FSIP2: variants seen among roughly 807,000 people sequenced by gnomAD.
The protein encoded by FSIP2 is fibrous sheath-interacting protein 2.
In FSIP2, 367 loss-of-function variants were observed where a neutral mutation model predicts 510.5. That is an observed-to-expected ratio of 0.72 (90% CI 0.66 to 0.78). FSIP2 has a LOEUF of 0.78. Among genes scored for constraint, FSIP2 ranks in the 30% least tolerant of loss-of-function variants. The pLI, the probability that FSIP2 is intolerant of heterozygous loss-of-function variation, is 0.00. For synonymous variants in FSIP2, 2,601 were observed against 2,732.2 expected (o/e 0.95, Z 1.50); for missense variants, 7,594 against 7,901.7 (o/e 0.96, Z 1.48).
chr2:185,807,214 G>T lies in FSIP2; in HGVS notation c.17908G>T (p.Val5970Phe), dbSNP rs377741484. The T allele has an allele frequency of 1.2e-6, 2 of 1,605,892 alleles. No individual in the cohort carries two copies. Among genetic ancestry groups the T allele is most frequent in the Non-Finnish European group, 1.7e-6 (2 of 1,177,422 alleles). Residue 5970 changes from valine (V) to phenylalanine (F), a missense_variant, in exon 17 of 23, where the codon GTT (valine) becomes TTT (phenylalanine). Physicochemically the swap from Val to Phe is conservative, Grantham distance 50. Coordinates refer to ENST00000424728, the MANE Select transcript of FSIP2 (RefSeq NM_173651.4). ...GGTTAACTTGATATTTTGTGATGAG[G>T]TTTCAGTTTCAGCATGTTTGCCTCT... ...RQVNLIFCDEVSVSACLPLES... is the reference protein window; with the variant it reads ...RQVNLIFCDEFSVSACLPLES...
At chr2:185,761,889 T>C (rs1019424543) in intron 10 of FSIP2, 83 bp from the exon 11 acceptor site, 63 of 698,892 alleles carry the variant, frequency 9.0e-5, no homozygotes, top group Non-Finnish European at 1.3e-4. Context: ...TCTGTATTCA[T>C]TGGTTAATTG....
Position 185,813,529 on chromosome 2 carries a change from A to G in FSIP2, c.19828-16A>G. On this transcript the variant is annotated splice_polypyrimidine_tract_variant and intron_variant, in intron 17 of 22. Transcript: ENST00000424728. ...TAGGCATTTGATTTTAATATTTGCT[A>G]TACCTTTAATTTCAGGCCGTTGCTA... The G allele has an allele frequency of 6.8e-7, 1 of 1,476,528 alleles. No homozygotes were observed. Among genetic ancestry groups the G allele is most frequent in the Non-Finnish European group, 9.1e-7 (1 of 1,103,528 alleles). The allele number at this position is 1,476,528 out of a possible 1,614,324, so 91.5% of individuals were successfully genotyped here.
rs1199249819 is a variant in FSIP2 at position 185,801,766 on chromosome 2, C to G, written c.12460C>G (p.Leu4154Val). The G allele has an allele frequency of 3.9e-6, 6 of 1,522,564 alleles. No homozygotes were observed. The highest frequency in any genetic ancestry group is 5.3e-6 in the Non-Finnish European group (6 of 1,137,926). The allele number at this position is 1,522,564 out of a possible 1,614,324, so 94.3% of individuals were successfully genotyped here. A position where few individuals can be genotyped will look rare whatever the true frequency, so the allele number is the denominator to read the frequency against. ...TGTCATAAGAAGGCTTTTATCTCAG[C>G]TAATTCCTCCACCCATTACATGTTC... ...EDVIRRLLSQ[L>V]IPPPITCSSL... is the part of the protein sequence containing the mutation. The change falls in exon 17 of 23, where the codon CTA becomes GTA. Residue 4154 changes from leucine to valine, a missense_variant. Coordinates refer to ENST00000424728, the MANE Select transcript of FSIP2 (RefSeq NM_173651.4).
At chr2:185,766,271 T>G (rs1359403257) in intron 13 of FSIP2, 2 of 151,430 alleles carry the variant, frequency 1.3e-5, no homozygotes, top group African/African-American at 2.4e-5. Context: ...GGACTTCATG[T>G]CTAAAACACC....
intron 3 of FSIP2, 59 bp from the exon 4 acceptor site, chr2:185,744,263 A>T (rs1691981801): frequency 3.3e-6 from 1 of 306,702 alleles, no homozygotes; most frequent in African/African-American, 2.2e-5. Flanking sequence ...AAATATTTAT[A>T]TAATATTAAC....
chr2:185,760,823 T>G (rs1052147452), intron 9 of FSIP2, among the ~76,000 whole-genome samples, 165 bp from the exon 10 acceptor site: 3 of 150,570 alleles, frequency 2.0e-5, no homozygotes, highest in Non-Finnish European at 4.5e-5. Context: ...CTTCTAGGGA[T>G]AATAGACATG....
intron 11 of FSIP2, 144 bp from the exon 12 acceptor site, chr2:185,763,039 C>A: frequency 1.8e-6 from 1 of 569,114 alleles, no homozygotes; most frequent in Non-Finnish European, 3.1e-6. Flanking sequence ...ATTTCCTTGA[C>A]TCAAATAAAT....
chr2:185,750,959 C>T (rs529112986), intron 7 of FSIP2, among the ~76,000 whole-genome samples: 48 of 151,438 alleles, frequency 3.2e-4, no homozygotes, highest in South Asian at 1.0e-3. Flanking sequence ...ACTTTTATTT[C>T]CCAAATCTTT....
Position 185,792,243 on chromosome 2 carries a change from G to A in FSIP2, c.5107G>A (p.Gly1703Arg). The A allele has an allele frequency of 6.5e-7, 1 of 1,533,168 alleles. No individual in the cohort carries two copies. Among genetic ancestry groups the A allele is most frequent in the Non-Finnish European group, 8.7e-7 (1 of 1,145,076 alleles). 95.0% of individuals were successfully genotyped at this position (1,533,168 alleles called of 1,614,324 possible). A position where few individuals can be genotyped will look rare whatever the true frequency, so the allele number is the denominator to read the frequency against. Residue 1703 changes from glycine to arginine, a missense_variant, in exon 16 of 23, where the codon GGA becomes AGA. Physicochemically the swap from Gly to Arg is moderately radical, Grantham distance 125. Transcript: ENST00000424728. The stretch of plus-strand genomic sequence containing the variant: ...GTTTAATGAAATGGAATCTGAAGGG[G>A]GAGGCATTGAAACTTATCGATACAG... ...DMFNEMESEG[G>R]GIETYRYRPT... is the part of the protein sequence containing the mutation.
In FSIP2 at chr2:185,790,954, C is replaced by A; in HGVS notation, c.3818C>A (p.Ser1273Ter). 2 of 1,526,084 alleles carry A rather than the reference C, an allele frequency of 1.3e-6. No individual in the cohort carries two copies. The highest frequency in any genetic ancestry group is 2.4e-5 in the South Asian group (2 of 81,826). 94.5% of individuals were successfully genotyped at this position (1,526,084 alleles called of 1,614,324 possible). ...CGTACAATTTTTAAAAGACTGAAGT[C>A]ATTTATTTGTCCAAAATTGCATATG... ...IIRTIFKRLK[S>*]FICPKLHMGF... The change falls in exon 16 of 23, where the codon TCA (serine) becomes TAA (stop). Residue 1273 changes from serine to a stop codon, truncating the protein, a stop_gained. Coordinates refer to ENST00000424728, the MANE Select transcript of FSIP2 (RefSeq NM_173651.4). LOFTEE classifies it high-confidence loss of function.
Position 185,793,924 on chromosome 2 carries a change from CT to C in FSIP2, c.6792del (p.Phe2264LeufsTer6). ...AAAACTATTTTTAAACGTTTGGAAT[CT>C]TTTGCCACAGAAAGAATAGATTCAT... Reference protein sequence around the residue: ...ITKTIFKRLESFATERIDSLI... With the variant: ...ITKTIFKRLEXFATERIDSLI... On this transcript the variant is annotated frameshift_variant, in exon 16 of 23. Transcript: ENST00000424728. LOFTEE classifies it high-confidence loss of function. 3 of 1,525,452 alleles carry C rather than the reference CT, an allele frequency of 2.0e-6. No homozygotes were observed. The highest frequency in any genetic ancestry group is 2.6e-6 in the Non-Finnish European group (3 of 1,142,776). The allele number at this position is 1,525,452 out of a possible 1,614,324, so 94.5% of individuals were successfully genotyped here.
At position 185,802,421 on chromosome 2, in the gene FSIP2, A is replaced by G. The variant is rs1693462065; in HGVS notation, c.13115A>G (p.Glu4372Gly). Residue 4372 changes from glutamate (E) to glycine (G), a missense_variant, in exon 17 of 23, where the codon GAA becomes GGA. Physicochemically the swap from Glu to Gly is moderately conservative, Grantham distance 98. Coordinates refer to ENST00000424728, the MANE Select transcript of FSIP2 (RefSeq NM_173651.4). ...FFSFNTDIVD[E>G]LATSVYRNAL... ...TCTTTCAATACAGATATTGTGGATG[A>G]ACTTGCCACCTCAGTTTATAGAAAT... 1 of 1,533,810 alleles carries G rather than the reference A, an allele frequency of 6.5e-7. No homozygotes were observed. The highest frequency in any genetic ancestry group is 1.4e-5 in the African/African-American group (1 of 72,880).
chr2:185,760,894 T>G (rs562305944), intron 9 of FSIP2, 94 bp from the exon 10 acceptor site: 1 of 510,362 alleles, frequency 2.0e-6, no homozygotes, highest in Non-Finnish European at 3.4e-6. Context: ...AATTAAATAA[T>G]TAAATAGATA....
chr2:185,787,826 T>G (rs961581345), intron 15 of FSIP2, among the ~76,000 whole-genome samples: 12 of 151,684 alleles, frequency 7.9e-5, no homozygotes, highest in South Asian at 2.1e-4. Context: ...CTCCCTACTC[T>G]TTGATTCCCA....
upstream of FSIP2, among the ~76,000 whole-genome samples, chr2:185,737,472 A>G (rs185274316): frequency 1.3e-5 from 2 of 152,330 alleles, no homozygotes; most frequent in Admixed American, 6.5e-5. Flanking sequence ...ACAAACAAAC[A>G]AAAAATGATT....
At chr2:185,767,033 T>G (rs537495780) in intron 13 of FSIP2, among the ~76,000 whole-genome samples, 161 of 118,374 alleles carry the variant, frequency 1.4e-3, no homozygotes, top group African/African-American at 4.9e-3. Flanking sequence ...ATGGATGAAA[T>G]TGGAAATCAT....
In FSIP2 at chr2:185,793,276, A is replaced by T. The variant is rs1281879829; in HGVS notation, c.6140A>T (p.Asp2047Val). The T allele has an allele frequency of 6.5e-7, 1 of 1,534,120 alleles. No individual in the cohort carries two copies. Among genetic ancestry groups the T allele is most frequent in the Admixed American group, 2.0e-5 (1 of 50,852 alleles). Residue 2047 changes from aspartate (D) to valine (V), a missense_variant, in exon 16 of 23, where the codon GAC becomes GTC. Coordinates refer to ENST00000424728, the MANE Select transcript of FSIP2 (RefSeq NM_173651.4). ...IASQIVNALL[D>V]IISRKGKCDK... The stretch of plus-strand genomic sequence containing the variant: ...AGTCAAATTGTTAACGCATTGTTAG[A>T]CATTATATCACGTAAAGGCAAATGT...
chr2:185,760,890 ATAAT>A, intron 9 of FSIP2, 94 bp from the exon 10 acceptor site: 1 of 508,124 alleles, frequency 2.0e-6, no homozygotes, highest in Middle Eastern at 5.2e-4. Context: ...AGTCAATTAA[ATAAT>A]TAAATAGATA....
chr2:185,745,770 C>T (rs1206412919), intron 5 of FSIP2, among the ~76,000 whole-genome samples: 3 of 151,948 alleles, frequency 2.0e-5, no homozygotes, highest in Non-Finnish European at 4.4e-5. Context: ...AAGGGATAAG[C>T]CAAACTGGTT....
Sources: gnomAD v4.1 joint callset for allele counts (sites outside exome capture counted in the v4.1 genomes callset) on GRCh38, gnomAD v4.1.1 for gene constraint, MANE v1.5 for transcripts, NCBI Gene and HGNC (gene_info 2026-07-23, HGNC 2026-07-21) for gene names.